DNAJC18: variants seen among roughly 807,000 people sequenced by gnomAD.
DNAJC18 encodes the protein dnaJ homolog subfamily C member 18.
Under a neutral mutation model 48.6 loss-of-function variants are expected in DNAJC18, and 40 were observed. That is an observed-to-expected ratio of 0.82 (90% CI 0.64 to 1.07). The LOEUF is 1.07. Ranked by LOEUF, DNAJC18 falls within the 50% of genes least tolerant of loss-of-function variation. DNAJC18 has a pLI of 0.00. For missense variants in DNAJC18, 340 were observed against 427.7 expected, an observed-to-expected ratio of 0.79 and a Z score of 1.81; for synonymous variants, 135 against 152.2, an observed-to-expected ratio of 0.89 and a Z score of 0.83.
chr5:139,437,306 G>A (rs1250626556), intron 2 of DNAJC18, 66 bp downstream of exon 2: 3 of 1,496,372 alleles, frequency 2.0e-6, no homozygotes, highest in Non-Finnish European at 1.8e-6. Context: ...TACTTACATA[G>A]CACATCCAGG....
In DNAJC18 at chr5:139,420,300, TATCATC is replaced by T; in HGVS notation, c.780-81_780-76del. On this transcript the variant is annotated intron_variant, in intron 6 of 7. Coordinates refer to ENST00000302060, the MANE Select transcript of DNAJC18 (RefSeq NM_152686.4). ...TTACTCTTAGCACTGCCCTCACAGA[TATCATC>T]ATCATCATCTGCTCATAGAGCAGAG... The T allele has an allele frequency of 2.2e-6, 3 of 1,374,486 alleles. No homozygotes were observed. The South Asian group carries it at 4.3e-5, about 19-fold the overall frequency. The allele number at this position is 1,374,486 out of a possible 1,614,324, so 85.1% of individuals were successfully genotyped here. A position where few individuals can be genotyped will look rare whatever the true frequency, so the allele number is the denominator to read the frequency against.
At chr5:139,437,597 C>A (rs1750698487) in intron 1 of DNAJC18, 39 bp from the exon 2 acceptor site, 4 of 1,566,338 alleles carry the variant, frequency 2.6e-6, no homozygotes, top group Non-Finnish European at 1.7e-6. Context: ...TCCATCTGAC[C>A]CTGAAAATCA....
At position 139,412,162 on chromosome 5, in the gene DNAJC18, C is replaced by G. The variant is rs1299406279; in HGVS notation, c.*1986G>C. On this transcript the variant is annotated 3_prime_UTR_variant, in exon 8 of 8. Transcript: ENST00000302060. ...ACCCATCTCCTGACTCTGTGGAATG[C>G]CTGCAGAGGCATGGTAGGGAACAAC... The G allele has an allele frequency of 1.3e-5, 2 of 152,228 alleles. No individual in the cohort carries two copies. The highest frequency in any genetic ancestry group is 2.9e-5 in the Non-Finnish European group (2 of 68,048). 9.4% of individuals were successfully genotyped at this position (152,228 alleles called of 1,614,324 possible).
chr5:139,431,475 G>A (rs1172719020), intron 2 of DNAJC18, among the ~76,000 whole-genome samples: 1 of 151,974 alleles, frequency 6.6e-6, no homozygotes, highest in East Asian at 1.9e-4. Flanking sequence ...TTTTGTATCT[G>A]GCTTCTTTCA....
intron 1 of DNAJC18, among the ~76,000 whole-genome samples, chr5:139,438,597 TAAC>T (rs1268449218): frequency 6.6e-6 from 1 of 152,164 alleles, no homozygotes; most frequent in African/African-American, 2.4e-5. Flanking sequence ...AGAAAGGCTT[TAAC>T]AACATCTTTC....
intron 7 of DNAJC18, among the ~76,000 whole-genome samples, chr5:139,416,696 A>G (rs893369300): frequency 1.4e-4 from 21 of 152,246 alleles, no homozygotes; most frequent in African/African-American, 3.6e-4. Flanking sequence ...GGGTGTGGAA[A>G]GAAGTGCTCC....
At chr5:139,431,744 A>C (rs1054229754) in intron 2 of DNAJC18, among the ~76,000 whole-genome samples, 10 of 152,170 alleles carry the variant, frequency 6.6e-5, no homozygotes, top group Non-Finnish European at 1.0e-4. Context: ...CAATAATCTT[A>C]ATTTTCTTCT....
At position 139,426,236 on chromosome 5, in the gene DNAJC18, A is replaced by G; in HGVS notation, c.495T>C (p.Asp165=). The change falls in exon 4 of 8, where the codon GAT becomes GAC. Residue 165 remains aspartate, a synonymous_variant. Transcript: ENST00000302060. The stretch of plus-strand genomic sequence containing the variant: ...CTTCTGGAGTGATGTCAGCTTCAAA[A>G]TCCCTGTAATAATTATAAGGTCTGG... ...PRARPYNYYR[D]FEADITPEEL... 6.2e-7 allele frequency: 1 copy of G among 1,614,208 alleles called. No individual in the cohort carries two copies. Among genetic ancestry groups the G allele is most frequent in the Non-Finnish European group, 8.5e-7 (1 of 1,180,040 alleles).
intron 2 of DNAJC18, among the ~76,000 whole-genome samples, chr5:139,429,010 T>C (rs1759288474): frequency 6.6e-6 from 1 of 152,072 alleles, no homozygotes; most frequent in African/African-American, 2.4e-5. Flanking sequence ...AAGAAACAGT[T>C]AATCACCCTG....
At chr5:139,422,053 T>A (rs1406330844) in intron 6 of DNAJC18, among the ~76,000 whole-genome samples, 1 of 152,182 alleles carries the variant, frequency 6.6e-6, no homozygotes, top group African/African-American at 2.4e-5. Flanking sequence ...GAGGGTTTTT[T>A]AAAACTCAGA....
At chr5:139,428,416 G>C in intron 3 of DNAJC18, 122 bp downstream of exon 3, 1 of 1,281,084 alleles carries the variant, frequency 7.8e-7, no homozygotes, top group Non-Finnish European at 1.1e-6. Context: ...CTATTTAAGA[G>C]GTGTGGCAGG....
intron 2 of DNAJC18, among the ~76,000 whole-genome samples, chr5:139,435,705 G>GTTGTTTTTT (rs1750628061): frequency 2.4e-5 from 1 of 41,194 alleles, no homozygotes; most frequent in Non-Finnish European, 3.8e-5. Flanking sequence ...TTCATTGGAA[G>GTTGTTTTTT]TTTTTTTTTT....
rs905899341 is a variant in DNAJC18, at chr5:139,412,288, T to C, written c.*1860A>G. 1 of 148,236 alleles carries C rather than the reference T, an allele frequency of 6.7e-6. No individual in the cohort carries two copies. Among genetic ancestry groups the C allele is most frequent in the Non-Finnish European group, 1.5e-5 (1 of 67,240 alleles). 9.2% of individuals were successfully genotyped at this position (148,236 alleles called of 1,614,324 possible). ...TTTGGAATCTGTTTAATGTAGACTCTTTTTTTTTTTGAGATGGAGTGGAGT... is the reference window on the plus strand; with the variant it reads ...TTTGGAATCTGTTTAATGTAGACTCCTTTTTTTTTTGAGATGGAGTGGAGT... On this transcript the variant is annotated 3_prime_UTR_variant, in exon 8 of 8. Transcript: ENST00000302060.
rs1035913834 is a variant in DNAJC18 at position 139,413,391 on chromosome 5, G to C, written c.*757C>G. 2 of 152,778 alleles carry C rather than the reference G, an allele frequency of 1.3e-5. No homozygotes were observed. Among genetic ancestry groups the C allele is most frequent in the Middle Eastern group, 3.4e-3 (1 of 294 alleles). The allele number at this position is 152,778 out of a possible 1,614,324, so 9.5% of individuals were successfully genotyped here. ...ATGATACTGAGGGGAAATGACCGAA[G>C]GGACATTCTCTGGGTTCTATGATGG... On this transcript the variant is annotated 3_prime_UTR_variant, in exon 8 of 8. Transcript: ENST00000302060.
Position 139,431,184 on chromosome 5 carries a change from A to G in DNAJC18, c.228-2501T>C, listed in dbSNP as rs371231121. On this transcript the variant is annotated intron_variant, in intron 2 of 7. Coordinates refer to ENST00000302060, the MANE Select transcript of DNAJC18 (RefSeq NM_152686.4). ...CAGGACTCCCTCTCCTAAATTTACTATTTGTTTAATAATGCTTTATTGAGA... is the reference window on the plus strand; with the variant it reads ...CAGGACTCCCTCTCCTAAATTTACTGTTTGTTTAATAATGCTTTATTGAGA... 2.6e-4 allele frequency among the ~76,000 whole-genome samples: 40 copies of G among 152,252 alleles called. 1 individual carries two copies. In the East Asian group the frequency reaches 4.6e-3, roughly 18 times the overall value.
rs560500487 is a variant in DNAJC18 at position 139,417,202 on chromosome 5, A to G, written c.952+2851T>C. ...GAGACTCTGTCAAAAAAAAAAAAAA[A>G]AAAAATTTTCACCCAGATTAAACAT... On this transcript the variant is annotated intron_variant, in intron 7 of 7. Transcript: ENST00000302060. 1.6e-3 allele frequency among the ~76,000 whole-genome samples: 245 copies of G among 152,298 alleles called. 2 individuals are homozygous for G. The East Asian group carries it at 0.019, about 12-fold the overall frequency.
intron 3 of DNAJC18, among the ~76,000 whole-genome samples, chr5:139,427,992 G>A (rs1429776288): frequency 6.6e-6 from 1 of 152,162 alleles, no homozygotes; most frequent in African/African-American, 2.4e-5. Context: ...TGCAATCACA[G>A]CTCACTGCAG....
chr5:139,424,717 C>CAAAAAAAAAAAA lies in DNAJC18; in HGVS notation c.669+276_669+287dup, dbSNP rs70982777. Among the ~76,000 whole-genome samples, 6 of 23,116 alleles carry CAAAAAAAAAAAA rather than the reference C, an allele frequency of 2.6e-4. 1 individual carries two copies. The highest frequency in any genetic ancestry group is 1.1e-3 in the African/African-American group (4 of 3,616). The allele number at this position is 23,116 out of a possible 152,430, so 15.2% of individuals were successfully genotyped here. ...CCTGAGTGACAGTGAGACCCTCTCT[C>CAAAAAAAAAAAA]AAAAAAAAAAAAAAAAAAAAAAAAA... On this transcript the variant is annotated intron_variant, in intron 5 of 7. Transcript: ENST00000302060.
At chr5:139,415,785 C>A (rs764121932) in intron 7 of DNAJC18, among the ~76,000 whole-genome samples, 8 of 152,194 alleles carry the variant, frequency 5.3e-5, no homozygotes, top group Non-Finnish European at 4.4e-5. Flanking sequence ...CCTCTGGAGT[C>A]ACAGTTACAC....
Sources: gnomAD v4.1 joint callset for allele counts (sites outside exome capture counted in the v4.1 genomes callset) on GRCh38, gnomAD v4.1.1 for gene constraint, MANE v1.5 for transcripts, NCBI Gene and HGNC (gene_info 2026-07-23, HGNC 2026-07-21) for gene names.